MAGI3: variants seen among roughly 807,000 people sequenced by gnomAD.
MAGI3 encodes membrane associated guanylate kinase, WW and PDZ domain containing 3.
In MAGI3, 43 loss-of-function variants were observed where a neutral mutation model predicts 121.8. The ratio of observed to expected loss-of-function variants is 0.35; its 90% CI spans 0.28 to 0.46. The LOEUF (loss-of-function observed/expected upper bound fraction) is 0.46. MAGI3 is among the 20% of genes least tolerant of loss of function. The pLI is 1.00. For missense variants in MAGI3, 1,547 were observed against 1,797.3 expected, an observed-to-expected ratio of 0.86 and a Z score of 2.52; for synonymous variants, 553 against 639.3, an observed-to-expected ratio of 0.86 and a Z score of 2.04.
At chr1:113,673,912 G>A (rs563119508) in intron 19 of MAGI3, among the ~76,000 whole-genome samples, 12 of 152,244 alleles carry the variant, frequency 7.9e-5, no homozygotes, top group African/African-American at 1.7e-4. Flanking sequence ...GCTGAAAAGC[G>A]TGGCTCTCAA....
intron 1 of MAGI3, among the ~76,000 whole-genome samples, chr1:113,454,891 A>G (rs936574085): frequency 6.6e-6 from 1 of 152,230 alleles, no homozygotes; most frequent in Non-Finnish European, 1.5e-5. Flanking sequence ...AAAGGGAAAT[A>G]GTGATATTAT....
intron 1 of MAGI3, among the ~76,000 whole-genome samples, chr1:113,479,581 CTT>C (rs774949771): frequency 5.3e-4 from 80 of 152,188 alleles, no homozygotes; most frequent in Non-Finnish European, 9.9e-4. Context: ...GTAAAGATCT[CTT>C]TATTATTAAT....
intron 6 of MAGI3, among the ~76,000 whole-genome samples, chr1:113,600,324 C>T (rs926419761): frequency 6.6e-6 from 1 of 151,968 alleles, no homozygotes; most frequent in East Asian, 1.9e-4. Flanking sequence ...TAGAAAACCC[C>T]ATTGTCTCAG....
At chr1:113,642,659 T>C (rs941475600) in intron 10 of MAGI3, 143 bp downstream of exon 10, 43 of 915,156 alleles carry the variant, frequency 4.7e-5, no homozygotes, top group Middle Eastern at 5.3e-4. Flanking sequence ...TCTGTCTGAT[T>C]GTTTCCATAA....
intron 1 of MAGI3, among the ~76,000 whole-genome samples, chr1:113,397,276 G>C (rs1391268239): frequency 1.3e-5 from 2 of 152,178 alleles, no homozygotes; most frequent in Non-Finnish European, 2.9e-5. Context: ...TGTACATGAA[G>C]TGAAAGAATG....
intron 2 of MAGI3, among the ~76,000 whole-genome samples, chr1:113,553,789 T>C (rs1371952640): frequency 6.6e-6 from 1 of 152,164 alleles, no homozygotes; most frequent in Non-Finnish European, 1.5e-5. Flanking sequence ...GGCAGGCGGA[T>C]CATGAGGTTA....
intron 9 of MAGI3, among the ~76,000 whole-genome samples, chr1:113,641,085 TATATA>T (rs1462139163): frequency 1.8e-5 from 1 of 55,526 alleles, no homozygotes; most frequent in East Asian, 3.3e-4. Context: ...ATATATGAGA[TATATA>T]TTATATATAT....
intron 1 of MAGI3, among the ~76,000 whole-genome samples, chr1:113,515,211 G>A (rs1657830728): frequency 6.6e-6 from 1 of 151,924 alleles, no homozygotes; most frequent in Non-Finnish European, 1.5e-5. Flanking sequence ...AAAGGCCTTT[G>A]ATGTTTGCCA....
At chr1:113,638,062 C>G (rs1570978470) in intron 9 of MAGI3, among the ~76,000 whole-genome samples, 1 of 152,206 alleles carries the variant, frequency 6.6e-6, no homozygotes, top group South Asian at 2.1e-4. Context: ...AGTTCTCGAG[C>G]CTTGGCTTTC....
At chr1:113,503,693 T>A (rs1657163797) in intron 1 of MAGI3, among the ~76,000 whole-genome samples, 2 of 151,742 alleles carry the variant, frequency 1.3e-5, no homozygotes, top group South Asian at 4.2e-4. Flanking sequence ...ATGAATAATC[T>A]TCAGATACTA....
intron 3 of MAGI3, 82 bp from the exon 4 acceptor site, chr1:113,585,305 G>A: frequency 7.7e-7 from 1 of 1,296,808 alleles, no homozygotes; most frequent in South Asian, 1.3e-5. Context: ...GTGAAAAACA[G>A]GGCAGAGACA....
intron 1 of MAGI3, among the ~76,000 whole-genome samples, chr1:113,475,410 C>A (rs970572784): frequency 6.6e-6 from 1 of 152,152 alleles, no homozygotes; most frequent in African/African-American, 2.4e-5. Flanking sequence ...GAGATACGTT[C>A]CATGAATACC....
chr1:113,640,811 G>A (rs1652411608), intron 9 of MAGI3, among the ~76,000 whole-genome samples: 1 of 150,152 alleles, frequency 6.7e-6, no homozygotes, highest in Non-Finnish European at 1.5e-5. Flanking sequence ...GTTGATAGGT[G>A]TAGCAAACCA....
intron 1 of MAGI3, among the ~76,000 whole-genome samples, chr1:113,456,787 A>C (rs1290197849): frequency 6.6e-6 from 1 of 152,174 alleles, no homozygotes; most frequent in Non-Finnish European, 1.5e-5. Context: ...GTATCTTGCT[A>C]TATAATGAAA....
chr1:113,525,780 G>T (rs1028754400), intron 1 of MAGI3, among the ~76,000 whole-genome samples: 1 of 152,092 alleles, frequency 6.6e-6, no homozygotes, highest in African/African-American at 2.4e-5. Context: ...GAGGCAGGCA[G>T]ATCACGAGGT....
intron 2 of MAGI3, among the ~76,000 whole-genome samples, chr1:113,553,666 C>A (rs1659871921): frequency 1.3e-5 from 2 of 152,124 alleles, no homozygotes; most frequent in Admixed American, 1.3e-4. Context: ...TGCAACTTAA[C>A]TGCTAGCAAA....
At chr1:113,636,542 G>A (rs1375668878) in intron 9 of MAGI3, among the ~76,000 whole-genome samples, 1 of 152,154 alleles carries the variant, frequency 6.6e-6, no homozygotes, top group Non-Finnish European at 1.5e-5. Context: ...GCGGTTTTGA[G>A]TGAGTTTCTT....
chr1:113,548,208 A>G (rs1659624225), intron 1 of MAGI3, among the ~76,000 whole-genome samples: 1 of 152,238 alleles, frequency 6.6e-6, no homozygotes, highest in African/African-American at 2.4e-5. Flanking sequence ...CTTATTCAAT[A>G]AAATAATCTA....
At chr1:113,537,937 T>C (rs1017561443) in intron 1 of MAGI3, among the ~76,000 whole-genome samples, 1 of 152,210 alleles carries the variant, frequency 6.6e-6, no homozygotes, top group Admixed American at 6.5e-5. Flanking sequence ...ATTTTGTTTG[T>C]TGAATGTATG....
Sources: gnomAD v4.1 joint callset for allele counts (sites outside exome capture counted in the v4.1 genomes callset) on GRCh38, gnomAD v4.1.1 for gene constraint, MANE v1.5 for transcripts, NCBI Gene and HGNC (gene_info 2026-07-23, HGNC 2026-07-21) for gene names.